Variants in FRY observed in about 807,000 individuals in gnomAD.
The protein encoded by FRY is FRY microtubule binding protein, also known as protein furry homolog.
A neutral mutation model predicts 348.4 loss-of-function variants in FRY; 128 were observed. That is an observed-to-expected ratio of 0.37 (90% CI 0.32 to 0.43). FRY has a LOEUF of 0.43. FRY is among the 20% of genes least tolerant of loss of function. FRY has a pLI of 1.00. For missense variants in FRY, 2,736 were observed against 3,695.2 expected (o/e 0.74, Z 6.73); for synonymous variants, 1,370 against 1,374.7 (o/e 1.00, Z 0.08).
intron 59 of FRY, among the ~76,000 whole-genome samples, 157 bp from the exon 60 acceptor site, chr13:32,294,211 A>AC (rs1889515615): frequency 6.6e-6 from 1 of 152,222 alleles, no homozygotes; most frequent in Non-Finnish European, 1.5e-5. Flanking sequence ...AATCCCCTAC[A>AC]CATACCATGG....
At chr13:32,230,901 A>T (rs1053872373) in intron 40 of FRY, among the ~76,000 whole-genome samples, 4 of 152,118 alleles carry the variant, frequency 2.6e-5, no homozygotes, top group African/African-American at 9.7e-5. Context: ...GCATTTCTCT[A>T]ATAGTCAGTG....
intron 3 of FRY, among the ~76,000 whole-genome samples, chr13:32,112,691 A>G (rs1878047126): frequency 6.6e-6 from 1 of 152,248 alleles, no homozygotes; most frequent in Admixed American, 6.5e-5. Context: ...TATGTCTTAC[A>G]TACTTTTGTG....
At chr13:32,097,465 A>T (rs2138615435) in intron 2 of FRY, among the ~76,000 whole-genome samples, 1 of 147,780 alleles carries the variant, frequency 6.8e-6, no homozygotes, top group Non-Finnish European at 1.5e-5. Flanking sequence ...GGTTCAAGCG[A>T]TTCTCCCACC....
intron 15 of FRY, among the ~76,000 whole-genome samples, chr13:32,156,001 C>T (rs1217945604): frequency 1.3e-5 from 2 of 152,110 alleles, no homozygotes; most frequent in Non-Finnish European, 2.9e-5. Context: ...TCATTCATCT[C>T]CTTCTTTTTT....
intron 58 of FRY, among the ~76,000 whole-genome samples, chr13:32,287,156 C>A (rs536039256): frequency 4.8e-4 from 69 of 144,920 alleles, no homozygotes; most frequent in African/African-American, 1.6e-3. Flanking sequence ...CAGAGTGAGA[C>A]TCCATCTCAA....
At chr13:32,292,033 A>G (rs930571469) in intron 59 of FRY, 4 of 451,592 alleles carry the variant, frequency 8.9e-6, no homozygotes, top group Admixed American at 7.1e-5. Flanking sequence ...CCCAGGCTGG[A>G]GTGCAATGGC....
chr13:32,067,389 C>T (rs1050753134), intron 1 of FRY, among the ~76,000 whole-genome samples: 5 of 151,852 alleles, frequency 3.3e-5, no homozygotes, highest in African/African-American at 1.2e-4. Context: ...CTTGAGTTTA[C>T]AGGTAGGAAT....
At chr13:32,169,031 T>C (rs554291337) in intron 17 of FRY, among the ~76,000 whole-genome samples, 2 of 152,360 alleles carry the variant, frequency 1.3e-5, no homozygotes, top group African/African-American at 4.8e-5. Context: ...AATGTTGTCT[T>C]GTATTTGTTG....
Position 32,194,364 on chromosome 13 carries a change from A to G in FRY, c.3746+67A>G. 25 of 1,428,444 alleles carry G rather than the reference A, an allele frequency of 1.8e-5. 1 individual carries two copies. The highest frequency in any genetic ancestry group is 2.5e-5 in the Non-Finnish European group (25 of 1,011,272). 88.5% of individuals were successfully genotyped at this position (1,428,444 alleles called of 1,614,324 possible). A position where few individuals can be genotyped will look rare whatever the true frequency, so the allele number is the denominator to read the frequency against. On this transcript the variant is annotated intron_variant, in intron 29 of 60. Transcript: ENST00000542859. Reference sequence around the variant, plus strand: ...AGGGTTACTTTTTGTGATATGAATGACGGAGAGCTGTTTTGCAACTATATG... The same window carrying G: ...AGGGTTACTTTTTGTGATATGAATGGCGGAGAGCTGTTTTGCAACTATATG...
chr13:32,226,493 A>C (rs1885589808), intron 39 of FRY, among the ~76,000 whole-genome samples: 1 of 152,240 alleles, frequency 6.6e-6, no homozygotes, highest in Admixed American at 6.5e-5. Context: ...AATTCTTAGA[A>C]ATAGGAACAG....
intron 28 of FRY, among the ~76,000 whole-genome samples, chr13:32,191,553 A>T (rs769396421): frequency 6.6e-6 from 1 of 152,218 alleles, no homozygotes; most frequent in South Asian, 2.1e-4. Flanking sequence ...ATAATCATGT[A>T]TCTTAGTCCA....
chr13:32,071,640 A>G lies in FRY; in HGVS notation c.71-7194A>G, dbSNP rs575772283. ...TGAGATGATGGGGTTTTCTAAATAT[A>G]CAAGCATGATTCCACGTATATGCAG... On this transcript the variant is annotated intron_variant, in intron 1 of 60. Transcript: ENST00000542859. Among the ~76,000 whole-genome samples, 134 of 152,308 alleles carry G rather than the reference A, an allele frequency of 8.8e-4. 2 individuals are homozygous for G. Among genetic ancestry groups the G allele is most frequent in the African/African-American group, 3.1e-3 (129 of 41,564 alleles).
chr13:32,141,226 A>G (rs1335431962), intron 11 of FRY, among the ~76,000 whole-genome samples: 1 of 152,114 alleles, frequency 6.6e-6, no homozygotes, highest in East Asian at 1.9e-4. Context: ...TGCCATAAAA[A>G]TGTTGTTATG....
At chr13:32,105,728 G>A (rs1877494033) in intron 3 of FRY, among the ~76,000 whole-genome samples, 2 of 152,182 alleles carry the variant, frequency 1.3e-5, no homozygotes, top group Middle Eastern at 3.4e-3. Flanking sequence ...TATGTGATAG[G>A]TACTATGCTA....
chr13:32,183,449 TG>T (rs56130040), intron 24 of FRY, among the ~76,000 whole-genome samples: 7,680 of 152,272 alleles, frequency 0.05, 214 homozygotes, highest in East Asian at 0.075. Flanking sequence ...CTGAAAAGGA[TG>T]AACTTATAAT....
chr13:32,260,230 T>C (rs1054987019), intron 51 of FRY, among the ~76,000 whole-genome samples: 2 of 152,228 alleles, frequency 1.3e-5, no homozygotes, highest in Non-Finnish European at 2.9e-5. Flanking sequence ...TATTATGTTG[T>C]TCACTGAGCT....
At chr13:32,182,567 C>T (rs1882777721) in intron 23 of FRY, among the ~76,000 whole-genome samples, 1 of 152,134 alleles carries the variant, frequency 6.6e-6, no homozygotes, top group African/African-American at 2.4e-5. Flanking sequence ...TACAGGGGCT[C>T]AATTTTATTT....
chr13:32,073,038 AT>A (rs370479914), intron 1 of FRY, among the ~76,000 whole-genome samples: 1 of 152,224 alleles, frequency 6.6e-6, no homozygotes, highest in South Asian at 2.1e-4. Flanking sequence ...AAAGGAAGCC[AT>A]TTTTTATTTC....
At chr13:32,036,995 CTT>C (rs956560826) in intron 1 of FRY, among the ~76,000 whole-genome samples, 3 of 150,856 alleles carry the variant, frequency 2.0e-5, no homozygotes, top group African/African-American at 4.9e-5. Context: ...CCTCCCTGCT[CTT>C]TGTCTCTCTG....
Sources: allele counts gnomAD v4.1 joint callset (sites outside exome capture counted in the v4.1 genomes callset), GRCh38; gene constraint gnomAD v4.1.1; transcripts MANE v1.5; gene names NCBI Gene and HGNC (gene_info 2026-07-23, HGNC 2026-07-21).